Variants in ADGRF5 observed in about 807,000 individuals in gnomAD.
ADGRF5 encodes adhesion G protein-coupled receptor F5, also known as G-protein coupled receptor 116.
ADGRF5 carries 75 observed loss-of-function variants against 132.3 expected under a neutral mutation model. That is an observed-to-expected ratio of 0.57 (90% CI 0.47 to 0.69). The LOEUF (loss-of-function observed/expected upper bound fraction) is 0.69. Ranked by LOEUF, ADGRF5 falls within the 30% of genes least tolerant of loss-of-function variation. The probability of loss-of-function intolerance (pLI) is 0.00; values close to 1 mark genes in which losing one functional copy is unlikely to be tolerated. For missense variants in ADGRF5, 1,516 were observed against 1,630.6 expected (o/e 0.93, Z 1.21); for synonymous variants, 629 against 597.6 (o/e 1.05, Z -0.77).
At chr6:46,942,574 T>G (rs1778134092) in intron 1 of ADGRF5, among the ~76,000 whole-genome samples, 1 of 152,154 alleles carries the variant, frequency 6.6e-6, no homozygotes, top group Non-Finnish European at 1.5e-5. Flanking sequence ...TATTCCAAAT[T>G]AAGTATTTAG....
intron 3 of ADGRF5, among the ~76,000 whole-genome samples, chr6:46,894,399 G>A (rs1218727853): frequency 6.9e-6 from 1 of 144,314 alleles, no homozygotes; most frequent in East Asian, 2.1e-4. Flanking sequence ...GAGAAAGTGG[G>A]CAGCACTGTG....
At chr6:46,927,381 G>A (rs1777306395) in intron 1 of ADGRF5, among the ~76,000 whole-genome samples, 1 of 152,060 alleles carries the variant, frequency 6.6e-6, no homozygotes, top group Non-Finnish European at 1.5e-5. Context: ...GCTTAACCAA[G>A]GTCACAAGCA....
Position 46,880,040 on chromosome 6 carries a change from C to T in ADGRF5, c.815-1G>A. ...GGTGTGACAAAGAAATTGCTTTCAT[C>T]TGGAAACCCAAAGAAAAGTTAATAA... On this transcript the variant is annotated splice_acceptor_variant, in intron 8 of 20. Coordinates refer to ENST00000283296, the MANE Select transcript of ADGRF5 (RefSeq NM_001098518.2). LOFTEE classifies it high-confidence loss of function. 6.2e-7 allele frequency: 1 copy of T among 1,609,702 alleles called. No individual in the cohort carries two copies. The highest frequency in any genetic ancestry group is 8.5e-7 in the Non-Finnish European group (1 of 1,175,990).
chr6:46,878,118 C>T, intron 10 of ADGRF5, 84 bp downstream of exon 10: 1 of 858,248 alleles, frequency 1.2e-6, no homozygotes, highest in Non-Finnish European at 2.0e-6. Context: ...TCTGACATTT[C>T]CCCTTCCATA....
At chr6:46,906,596 A>T (rs1042087845) in intron 2 of ADGRF5, 65 bp downstream of exon 2, 1 of 860,520 alleles carries the variant, frequency 1.2e-6, no homozygotes, top group East Asian at 2.5e-5. Flanking sequence ...TGTAAGAACC[A>T]TTGTCAGTCA....
intron 12 of ADGRF5, among the ~76,000 whole-genome samples, chr6:46,867,722 C>T (rs1054597461): frequency 2.0e-5 from 3 of 152,146 alleles, no homozygotes; most frequent in Non-Finnish European, 2.9e-5. Context: ...TGCCCCAGCT[C>T]TGGAAAAGTC....
intron 20 of ADGRF5, among the ~76,000 whole-genome samples, chr6:46,854,477 T>C (rs1768809041): frequency 6.6e-6 from 1 of 151,646 alleles, no homozygotes; most frequent in South Asian, 2.1e-4. Context: ...CTACTGAAGG[T>C]GGAGGTTTGT....
chr6:46,863,213 G>T (rs369726835), intron 14 of ADGRF5, 117 bp from the exon 15 acceptor site: 1 of 833,706 alleles, frequency 1.2e-6, no homozygotes, highest in Non-Finnish European at 2.0e-6. Flanking sequence ...TTTACTTTCC[G>T]TCACCTTTTC....
chr6:46,942,919 G>T (rs892495536), intron 1 of ADGRF5, among the ~76,000 whole-genome samples: 1 of 152,058 alleles, frequency 6.6e-6, no homozygotes, highest in African/African-American at 2.4e-5. Context: ...TTGGTGGTTT[G>T]AGTTATTGGG....
intron 3 of ADGRF5, among the ~76,000 whole-genome samples, chr6:46,892,547 C>T (rs533980357): frequency 3.3e-5 from 5 of 152,042 alleles, no homozygotes; most frequent in Admixed American, 6.5e-5. Flanking sequence ...GTCAGGAGTT[C>T]GAGACCTGCC....
chr6:46,938,243 C>G (rs1777922185), intron 1 of ADGRF5, among the ~76,000 whole-genome samples: 1 of 152,172 alleles, frequency 6.6e-6, no homozygotes, highest in Admixed American at 6.5e-5. Flanking sequence ...GCAGTATCCT[C>G]CCTTTCCCTT....
chr6:46,866,177 C>T (rs1349378999), intron 13 of ADGRF5, among the ~76,000 whole-genome samples: 1 of 152,086 alleles, frequency 6.6e-6, no homozygotes. Context: ...TCCTGAACCA[C>T]AAAGGAAATA....
chr6:46,872,065 A>C, intron 10 of ADGRF5, 52 bp from the exon 11 acceptor site: 1 of 1,271,212 alleles, frequency 7.9e-7, no homozygotes, highest in Non-Finnish European at 1.1e-6. Flanking sequence ...TCTTTTATTT[A>C]GTAGCAAAGA....
intron 3 of ADGRF5, among the ~76,000 whole-genome samples, chr6:46,892,631 T>C (rs1203498827): frequency 6.6e-6 from 1 of 152,056 alleles, no homozygotes; most frequent in Non-Finnish European, 1.5e-5. Flanking sequence ...GCACCTGTAA[T>C]CCCAGCTACT....
chr6:46,861,468 C>A (rs1286297673), intron 15 of ADGRF5, among the ~76,000 whole-genome samples: 1 of 152,172 alleles, frequency 6.6e-6, no homozygotes, highest in Non-Finnish European at 1.5e-5. Context: ...TAGAATAGCT[C>A]AAATTCTGTC....
chr6:46,884,040 T>C, intron 5 of ADGRF5, 55 bp downstream of exon 5: 1 of 1,411,006 alleles, frequency 7.1e-7, no homozygotes, highest in South Asian at 1.2e-5. Context: ...CCATGCCCAG[T>C]CGTAAACTGA....
intron 1 of ADGRF5, among the ~76,000 whole-genome samples, chr6:46,945,112 G>A (rs1388113753): frequency 6.6e-6 from 1 of 152,208 alleles, no homozygotes; most frequent in Non-Finnish European, 1.5e-5. Flanking sequence ...CCCACCTCAG[G>A]TGCATGAATA....
intron 1 of ADGRF5, among the ~76,000 whole-genome samples, chr6:46,932,227 T>C (rs1010450897): frequency 2.0e-5 from 3 of 152,188 alleles, no homozygotes; most frequent in Admixed American, 1.3e-4. Flanking sequence ...ATTTAAAAAA[T>C]ATTTTTTGAC....
chr6:46,868,729 C>T (rs1770732830), intron 12 of ADGRF5, among the ~76,000 whole-genome samples, 154 bp downstream of exon 12: 1 of 152,148 alleles, frequency 6.6e-6, no homozygotes, highest in Admixed American at 6.5e-5. Flanking sequence ...TGGCATCTTC[C>T]CTCAAAGGAA....
Sources: gnomAD v4.1 joint callset for allele counts (sites outside exome capture counted in the v4.1 genomes callset) on GRCh38, gnomAD v4.1.1 for gene constraint, MANE v1.5 for transcripts, NCBI Gene and HGNC (gene_info 2026-07-23, HGNC 2026-07-21) for gene names.